The following FBXO16 variants were observed in gnomAD, a reference collection of about 807,000 sequenced individuals.
FBXO16 encodes F-box protein 16.
FBXO16 carries 31 observed loss-of-function variants against 41.0 expected under a neutral mutation model. The ratio of observed to expected loss-of-function variants is 0.76; its 90% CI spans 0.57 to 1.02. FBXO16 has a LOEUF of 1.02. Ranked by LOEUF, FBXO16 falls within the 50% of genes least tolerant of loss-of-function variation. FBXO16 has a pLI of 0.00. For missense variants in FBXO16, 361 were observed against 346.2 expected, an observed-to-expected ratio of 1.04 and a Z score of -0.34; for synonymous variants, 133 against 117.8, an observed-to-expected ratio of 1.13 and a Z score of -0.84.
intron 2 of FBXO16, among the ~76,000 whole-genome samples, chr8:28,481,849 C>T (rs539200941): frequency 6.6e-6 from 1 of 151,220 alleles, no homozygotes; most frequent in Non-Finnish European, 1.5e-5. Flanking sequence ...CCTGAGCATT[C>T]GTGACTTGGG....
chr8:28,461,644 C>T (rs1803136743), intron 4 of FBXO16, among the ~76,000 whole-genome samples: 1 of 151,084 alleles, frequency 6.6e-6, no homozygotes, highest in Non-Finnish European at 1.5e-5. Flanking sequence ...TTTTTCCCTG[C>T]CTACTGTTTG....
chr8:28,453,339 T>C (rs1057009130), intron 5 of FBXO16, among the ~76,000 whole-genome samples: 5 of 151,826 alleles, frequency 3.3e-5, no homozygotes, highest in African/African-American at 9.7e-5. Context: ...TCATAAAAAG[T>C]ACACATTCCC....
At chr8:28,477,444 A>G (rs1803440843) in intron 2 of FBXO16, among the ~76,000 whole-genome samples, 2 of 152,196 alleles carry the variant, frequency 1.3e-5, no homozygotes, top group Admixed American at 6.5e-5. Flanking sequence ...CTTCAAGGTC[A>G]TCTGATCCAA....
At chr8:28,439,059 C>T (rs1333006523) in intron 7 of FBXO16, among the ~76,000 whole-genome samples, 2 of 147,540 alleles carry the variant, frequency 1.4e-5, no homozygotes, top group Non-Finnish European at 3.0e-5. Flanking sequence ...GGCCCCACTG[C>T]ACTCCAGCCT....
intron 6 of FBXO16, among the ~76,000 whole-genome samples, chr8:28,450,267 T>C (rs538599589): frequency 2.9e-4 from 44 of 152,138 alleles, no homozygotes; most frequent in Admixed American, 2.9e-3. Context: ...GATATCTACA[T>C]GCAAAACAAT....
At position 28,452,340 on chromosome 8, in the gene FBXO16, G is replaced by C. The variant is rs1431537923; in HGVS notation, c.644C>G (p.Ala215Gly). 1 of 1,614,194 alleles carries C rather than the reference G, an allele frequency of 6.2e-7. No individual in the cohort carries two copies. Among genetic ancestry groups the C allele is most frequent in the South Asian group, 1.1e-5 (1 of 91,086 alleles). ...ATCAGAAGATCGCCAGGGTGGAAGT[G>C]CTTTCTCCCCTGAGTTATTCTTCTT... ...LRKKNNSGEK[A>G]LPPWRSSDKH... is the part of the protein sequence containing the mutation. Residue 215 changes from alanine to glycine, a missense_variant, in exon 6 of 9, where the codon GCA becomes GGA. Physicochemically the swap from Ala to Gly is moderately conservative, Grantham distance 60. Transcript: ENST00000380254.
In FBXO16 at chr8:28,473,797, T is replaced by C; in HGVS notation, c.110A>G (p.Glu37Gly). 1.2e-6 allele frequency: 2 copies of C among 1,603,366 alleles called. No homozygotes were observed. The highest frequency in any genetic ancestry group is 2.2e-5 in the South Asian group (2 of 89,674). The change falls in exon 3 of 9, where the codon GAA becomes GGA. Residue 37 changes from glutamate to glycine, a missense_variant. Transcript: ENST00000380254. ...HQLLNDRVFE[E>G]RRALLGKWFD... is the part of the protein sequence containing the mutation. ...CCATTTGCCAAGCAGGGCTCTTCTT[T>C]CTTCAAATACCTACAGTAAGTAAAA...
At chr8:28,464,791 T>C (rs1224224347) in intron 3 of FBXO16, among the ~76,000 whole-genome samples, 4 of 152,030 alleles carry the variant, frequency 2.6e-5, no homozygotes, top group Non-Finnish European at 4.4e-5. Context: ...GTAGCTGGGA[T>C]TACAGGCACG....
chr8:28,481,924 G>A (rs1803133143), intron 2 of FBXO16, among the ~76,000 whole-genome samples: 1 of 152,184 alleles, frequency 6.6e-6, no homozygotes, highest in African/African-American at 2.4e-5. Flanking sequence ...CTCCCTTTGG[G>A]AGCAACAGCA....
chr8:28,463,644 G>A lies in FBXO16; in HGVS notation c.310C>T (p.Leu104=). ...CAACGACAAAGGCTCCGAGGGTCCA[G>A]GAAAGAAAAGATGTATAAAGATAAC... The part of the protein sequence containing the change: ...RVLSLYIFSF[L]DPRSLCRCAQ... Residue 104 remains leucine, a synonymous_variant, in exon 4 of 9, where the codon CTG becomes TTG. Transcript: ENST00000380254. 6.2e-7 allele frequency: 1 copy of A among 1,614,116 alleles called. No homozygotes were observed. The highest frequency in any genetic ancestry group is 8.5e-7 in the Non-Finnish European group (1 of 1,180,014).
At chr8:28,447,097 T>G in intron 7 of FBXO16, 74 bp downstream of exon 7, 1 of 1,367,850 alleles carries the variant, frequency 7.3e-7, no homozygotes, top group Non-Finnish European at 1.0e-6. Flanking sequence ...TGAATTCAAT[T>G]TTGCAAATAG....
At chr8:28,488,293 CTTTTTTTTTT>C (rs10708340) in intron 1 of FBXO16, among the ~76,000 whole-genome samples, 1 of 96,226 alleles carries the variant, frequency 1.0e-5, no homozygotes, top group African/African-American at 4.0e-5. Flanking sequence ...TCTTCTAAGC[CTTTTTTTTTT>C]TTTTTTTTTT....
chr8:28,456,972 C>G, intron 4 of FBXO16, 42 bp from the exon 5 acceptor site: 7 of 1,589,162 alleles, frequency 4.4e-6, no homozygotes, highest in Non-Finnish European at 6.0e-6. Context: ...AATCAAACAA[C>G]CCCTTCAGTT....
rs1381535840 is a variant in FBXO16, at chr8:28,483,398, T to A, written c.49A>T (p.Thr17Ser). The change falls in exon 2 of 9, where the codon ACA becomes TCA. Residue 17 changes from threonine to serine, a missense_variant. Thr to Ser is a moderately conservative substitution (Grantham distance 58, BLOSUM62 1). Coordinates refer to ENST00000380254, the MANE Select transcript of FBXO16 (RefSeq NM_172366.4). ...PKNTDGPKMQ[T>S]KMSTWTPLNH... is the part of the protein sequence containing the mutation. ...AGGGGTGTCCAGGTGCTCATCTTTG[T>A]CTGCATTTTGGGACCATCTGTGTTT... is the stretch of plus-strand genomic sequence containing the variant. 1 of 1,614,084 alleles carries A rather than the reference T, an allele frequency of 6.2e-7. No individual in the cohort carries two copies. Among genetic ancestry groups the A allele is most frequent in the Non-Finnish European group, 8.5e-7 (1 of 1,180,042 alleles).
rs535299896 is a variant in FBXO16 at position 28,468,825 on chromosome 8, G to C, written c.135+4947C>G. Among the ~76,000 whole-genome samples, 191 of 150,202 alleles carry C rather than the reference G, an allele frequency of 1.3e-3. 1 individual carries two copies. The highest frequency in any genetic ancestry group is 4.5e-3 in the African/African-American group (185 of 40,918). On this transcript the variant is annotated intron_variant, in intron 3 of 8. Coordinates refer to ENST00000380254, the MANE Select transcript of FBXO16 (RefSeq NM_172366.4). ...ATCACGCCACTGCACTCAAGCCTTA[G>C]CTACAGAGTAAGACTCCATCTTGAA...
Position 28,456,926 on chromosome 8 carries a change from C to T in FBXO16, c.347G>A (p.Cys116Tyr). ...PRSLCRCAQV[C>Y]WHWKNLAELD... ...CTCAGCAAGGTTCTTCCAATGCCAGCACACCTGGAAAAACAATTACAATTA... is the reference window on the plus strand; with the variant it reads ...CTCAGCAAGGTTCTTCCAATGCCAGTACACCTGGAAAAACAATTACAATTA... Residue 116 changes from cysteine (C) to tyrosine (Y), a missense_variant, in exon 5 of 9, where the codon TGC becomes TAC. Transcript: ENST00000380254. 3 of 1,611,740 alleles carry T rather than the reference C, an allele frequency of 1.9e-6. No homozygotes were observed. Among genetic ancestry groups the T allele is most frequent in the East Asian group, 2.2e-5 (1 of 44,844 alleles).
At chr8:28,461,991 G>A (rs1363240883) in intron 4 of FBXO16, among the ~76,000 whole-genome samples, 1 of 151,286 alleles carries the variant, frequency 6.6e-6, no homozygotes, top group African/African-American at 2.4e-5. Context: ...CCAGGCTGTT[G>A]TGTAGTGGCA....
intron 3 of FBXO16, among the ~76,000 whole-genome samples, chr8:28,464,846 GT>G (rs1803208079): frequency 1.3e-5 from 2 of 152,090 alleles, no homozygotes; most frequent in African/African-American, 4.8e-5. Context: ...TAGAGACAGG[GT>G]TTCACCATGT....
Position 28,457,524 on chromosome 8 carries a change from A to G in FBXO16, c.343-594T>C, listed in dbSNP as rs111244251. The stretch of plus-strand genomic sequence containing the variant: ...GTGGAAGGGGAAAGGCATGTCTTAC[A>G]TGGTGGCAGGCAAGAGAGAATGAAA... On this transcript the variant is annotated intron_variant, in intron 4 of 8. Transcript: ENST00000380254. Among the ~76,000 whole-genome samples, 3 of 152,314 alleles carry G rather than the reference A, an allele frequency of 2.0e-5. No homozygotes were observed. The South Asian group carries it at 6.2e-4, about 32-fold the overall frequency.
Sources: gnomAD v4.1 joint callset for allele counts (sites outside exome capture counted in the v4.1 genomes callset) on GRCh38, gnomAD v4.1.1 for gene constraint, MANE v1.5 for transcripts, NCBI Gene and HGNC (gene_info 2026-07-23, HGNC 2026-07-21) for gene names.